Variants in LRBA observed in about 807,000 individuals in gnomAD.
LRBA encodes LPS responsive beige-like anchor protein.
Under a neutral mutation model 330.0 loss-of-function variants are expected in LRBA, and 176 were observed. That is an observed-to-expected ratio of 0.53 (90% CI 0.47 to 0.60). LRBA has a LOEUF of 0.60. Among genes scored for constraint, LRBA ranks in the 20% least tolerant of loss-of-function variants. The probability of loss-of-function intolerance (pLI) is 0.00; values close to 1 mark genes in which losing one functional copy is unlikely to be tolerated. For missense variants in LRBA, 3,259 were observed against 3,444.8 expected (o/e 0.95, Z 1.35); for synonymous variants, 1,230 against 1,193.0 (o/e 1.03, Z -0.64).
chr4:150,386,185 T>C (rs545807383), intron 47 of LRBA, among the ~76,000 whole-genome samples: 1 of 152,208 alleles, frequency 6.6e-6, no homozygotes, highest in South Asian at 2.1e-4. Context: ...AAAATCAGCA[T>C]TCTCCATAAC....
intron 2 of LRBA, among the ~76,000 whole-genome samples, chr4:150,953,269 A>T: frequency 6.6e-6 from 1 of 152,192 alleles, no homozygotes; most frequent in Non-Finnish European, 1.5e-5. Flanking sequence ...CCTCACGAAC[A>T]TCTATAGGAT....
chr4:150,326,713 AC>A (rs147671451), intron 48 of LRBA, among the ~76,000 whole-genome samples: 40 of 152,336 alleles, frequency 2.6e-4, no homozygotes, highest in African/African-American at 9.4e-4. Context: ...TGAAAGCAGG[AC>A]CTTATGTATC....
intron 2 of LRBA, among the ~76,000 whole-genome samples, chr4:150,963,860 G>A (rs1035196655): frequency 4.1e-5 from 6 of 146,482 alleles, no homozygotes; most frequent in Non-Finnish European, 5.9e-5. Context: ...AGTGAGGAGC[G>A]TCTCTGCCTG....
At chr4:150,718,760 G>C (rs1171820097) in intron 36 of LRBA, among the ~76,000 whole-genome samples, 1 of 152,002 alleles carries the variant, frequency 6.6e-6, no homozygotes, top group African/African-American at 2.4e-5. Context: ...ATAGCACAAT[G>C]ATTAAAATGA....
At chr4:150,887,768 C>CAA (rs33950813) in intron 17 of LRBA, among the ~76,000 whole-genome samples, 9 of 82,226 alleles carry the variant, frequency 1.1e-4, no homozygotes, top group Admixed American at 6.8e-4. Context: ...GACTCCGTCT[C>CAA]AAAAAAAAAA....
At chr4:150,848,302 A>G (rs1186557264) in intron 26 of LRBA, among the ~76,000 whole-genome samples, 2 of 152,198 alleles carry the variant, frequency 1.3e-5, no homozygotes, top group Admixed American at 6.5e-5. Context: ...GGTGTGAGCC[A>G]CCACCCCAGC....
At chr4:150,527,165 C>T (rs891012733) in intron 40 of LRBA, among the ~76,000 whole-genome samples, 1 of 152,126 alleles carries the variant, frequency 6.6e-6, no homozygotes, top group Non-Finnish European at 1.5e-5. Context: ...ATGCAAGCGT[C>T]TCATGAAATC....
At chr4:150,820,272 G>A (rs1257425294) in intron 30 of LRBA, among the ~76,000 whole-genome samples, 2 of 151,948 alleles carry the variant, frequency 1.3e-5, no homozygotes, top group Non-Finnish European at 2.9e-5. Context: ...GCAGAGCCTT[G>A]AATTTGAACC....
chr4:150,633,245 G>A (rs946301152), intron 37 of LRBA, among the ~76,000 whole-genome samples: 1 of 152,182 alleles, frequency 6.6e-6, no homozygotes, highest in Admixed American at 6.5e-5. Context: ...AATAAAAAGA[G>A]AACCTAATTC....
rs1180447037 is a variant in LRBA, at chr4:150,662,934, G to GT, written c.5921+20616dup. On this transcript the variant is annotated intron_variant, in intron 37 of 56. Coordinates refer to ENST00000651943, the MANE Select transcript of LRBA (RefSeq NM_001364905.1). ...ATTGTGGCACTGCACTCCAACCTGGGTGAGAGAGTGAGACCCTATCTCTTA... is the reference window on the plus strand; with the variant it reads ...ATTGTGGCACTGCACTCCAACCTGGGTTGAGAGAGTGAGACCCTATCTCTTA... 5.9e-5 allele frequency among the ~76,000 whole-genome samples: 9 copies of GT among 152,254 alleles called. No homozygotes were observed. In the East Asian group the frequency reaches 1.4e-3, roughly 23 times the overall value.
intron 37 of LRBA, among the ~76,000 whole-genome samples, chr4:150,677,051 A>C (rs1369530302): frequency 6.6e-6 from 1 of 152,172 alleles, no homozygotes; most frequent in East Asian, 1.9e-4. Context: ...TTCAAAATTT[A>C]TTACTGCTTT....
intron 48 of LRBA, among the ~76,000 whole-genome samples, chr4:150,333,312 A>G (rs990814720): frequency 6.6e-6 from 1 of 152,056 alleles, no homozygotes; most frequent in African/African-American, 2.4e-5. Context: ...CTTTTTTTTA[A>G]GCACACAACT....
rs534886197 is a variant in LRBA at position 150,808,390 on chromosome 4, A to G, written c.5314T>C (p.Ser1772Pro). 4.2e-5 allele frequency: 67 copies of G among 1,599,112 alleles called. No individual in the cohort carries two copies. The South Asian group carries it at 6.8e-4, about 16-fold the overall frequency. ...DMGGESPGSR[S>P]SNAKLPSVPT... ...ACTGAGGGCAATTTTGCATTAGATG[A>G]TCTACTGCCTATAAAAGAAAAATAA... The change falls in exon 32 of 57, where the codon TCA (serine) becomes CCA (proline). Residue 1772 changes from serine to proline, a missense_variant. Ser to Pro is a moderately conservative substitution (Grantham distance 74). Transcript: ENST00000651943.
chr4:150,421,364 A>T (rs1365736226), intron 46 of LRBA, among the ~76,000 whole-genome samples: 1 of 147,250 alleles, frequency 6.8e-6, no homozygotes, highest in Non-Finnish European at 1.5e-5. Context: ...ATACATATAT[A>T]CACATACACA....
chr4:150,581,261 T>G (rs763402173), intron 40 of LRBA: 9 of 399,502 alleles, frequency 2.3e-5, no homozygotes, highest in South Asian at 1.8e-4. Context: ...GTTTTTGCCC[T>G]GCCCTGTTTT....
At chr4:151,006,772 T>C (rs1325639278) in intron 2 of LRBA, among the ~76,000 whole-genome samples, 1 of 152,216 alleles carries the variant, frequency 6.6e-6, no homozygotes, top group African/African-American at 2.4e-5. Context: ...CAAAACTGTA[T>C]GCTTGCAGGA....
chr4:151,005,552 G>T (rs1743952426), intron 2 of LRBA, among the ~76,000 whole-genome samples: 2 of 137,822 alleles, frequency 1.5e-5, no homozygotes, highest in East Asian at 2.1e-4. Flanking sequence ...TGAAAATAAT[G>T]ACACTGTTCT....
At position 150,275,118 on chromosome 4, in the gene LRBA, G is replaced by A. The variant is rs535287557; in HGVS notation, c.8468+2735C>T. Among the ~76,000 whole-genome samples, 16 of 152,290 alleles carry A rather than the reference G, an allele frequency of 1.1e-4. No homozygotes were observed. In the South Asian group the frequency reaches 2.9e-3, roughly 28 times the overall value. ...GCTTCATCCCTAGGATGCAAGGCTG[G>A]TTCAACATACACAAATCAATAAAAG... On this transcript the variant is annotated intron_variant, in intron 56 of 56. Transcript: ENST00000651943.
chr4:150,920,520 G>T (rs1733137183), intron 5 of LRBA, among the ~76,000 whole-genome samples: 1 of 152,180 alleles, frequency 6.6e-6, no homozygotes, highest in Non-Finnish European at 1.5e-5. Flanking sequence ...CTGCACTCCA[G>T]CCTGGGCAAC....
Sources: allele counts gnomAD v4.1 joint callset (sites outside exome capture counted in the v4.1 genomes callset), GRCh38; gene constraint gnomAD v4.1.1; transcripts MANE v1.5; gene names NCBI Gene and HGNC (gene_info 2026-07-23, HGNC 2026-07-21).